The following ADGRL3 variants were observed in gnomAD, a reference collection of about 807,000 sequenced individuals.
ADGRL3 encodes the protein adhesion G protein-coupled receptor L3.
In ADGRL3, 62 loss-of-function variants were observed where a neutral mutation model predicts 153.5. The ratio of observed to expected loss-of-function variants is 0.40; its 90% CI spans 0.33 to 0.50. ADGRL3 has a LOEUF of 0.50. ADGRL3 is among the 20% of genes least tolerant of loss of function. The pLI is 0.47. For synonymous variants in ADGRL3, 710 were observed against 672.5 expected (o/e 1.06, Z -0.86); for missense variants, 1,641 against 1,859.4 (o/e 0.88, Z 2.16).
At chr4:61,615,580 G>GTGTA (rs903287411) in intron 5 of ADGRL3, among the ~76,000 whole-genome samples, 1 of 150,416 alleles carries the variant, frequency 6.6e-6, no homozygotes, top group African/African-American at 2.5e-5. Context: ...GGAATATTGT[G>GTGTA]TGTGTGTGTG....
intron 2 of ADGRL3, among the ~76,000 whole-genome samples, chr4:61,392,708 A>C (rs146592521): frequency 1.1e-5 from 1 of 92,740 alleles, no homozygotes; most frequent in Non-Finnish European, 2.4e-5. Flanking sequence ...AAAAAAAAAG[A>C]AAAAGGAAAA....
chr4:61,910,942 A>G (rs757470880), intron 12 of ADGRL3, among the ~76,000 whole-genome samples: 1 of 150,826 alleles, frequency 6.6e-6, no homozygotes, highest in African/African-American at 2.4e-5. Flanking sequence ...GTAAAGTTTT[A>G]TTATTAGATA....
intron 5 of ADGRL3, among the ~76,000 whole-genome samples, chr4:61,614,757 C>T (rs1268992565): frequency 6.6e-6 from 1 of 152,108 alleles, no homozygotes; most frequent in Non-Finnish European, 1.5e-5. Flanking sequence ...GCATCAGACA[C>T]ACTTATTTTA....
intron 13 of ADGRL3, among the ~76,000 whole-genome samples, chr4:61,925,941 T>C (rs910839959): frequency 6.6e-6 from 1 of 152,194 alleles, no homozygotes; most frequent in Non-Finnish European, 1.5e-5. Context: ...GAGAAATGCT[T>C]CATTTTGTTG....
intron 5 of ADGRL3, among the ~76,000 whole-genome samples, chr4:61,620,401 T>C (rs2092415517): frequency 6.6e-6 from 1 of 152,104 alleles, no homozygotes; most frequent in African/African-American, 2.4e-5. Flanking sequence ...GACCTTCATC[T>C]GAATGTCTAA....
At chr4:61,677,588 A>G (rs1473525257) in intron 6 of ADGRL3, among the ~76,000 whole-genome samples, 2 of 152,140 alleles carry the variant, frequency 1.3e-5, no homozygotes, top group East Asian at 1.9e-4. Flanking sequence ...ACTCAAAATA[A>G]GAATCACCAT....
intron 9 of ADGRL3, among the ~76,000 whole-genome samples, chr4:61,870,281 C>G (rs1197219208): frequency 1.3e-5 from 2 of 152,038 alleles, no homozygotes; most frequent in Admixed American, 6.6e-5. Context: ...GGGGTTGGAC[C>G]TATCCCTTAT....
intron 21 of ADGRL3, 25 bp from the exon 22 acceptor site, chr4:62,028,830 G>A: frequency 6.3e-7 from 1 of 1,592,608 alleles, no homozygotes; most frequent in Non-Finnish European, 8.6e-7. Context: ...TGGTGTTCTT[G>A]TCTTTATGTC....
At chr4:61,204,720 ACT>A (rs1203668723) in intron 1 of ADGRL3, among the ~76,000 whole-genome samples, 1 of 152,238 alleles carries the variant, frequency 6.6e-6, no homozygotes, top group African/African-American at 2.4e-5. Context: ...GGAATGATTA[ACT>A]CAAAGTTTTA....
chr4:62,031,268 G>A (rs1358628313), intron 22 of ADGRL3, among the ~76,000 whole-genome samples, 174 bp from the exon 23 acceptor site: 1 of 151,464 alleles, frequency 6.6e-6, no homozygotes, highest in African/African-American at 2.4e-5. Context: ...ATCTCCTCAA[G>A]CTTGAAAACT....
intron 5 of ADGRL3, among the ~76,000 whole-genome samples, chr4:61,593,673 T>A (rs1002186214): frequency 2.6e-5 from 4 of 152,132 alleles, no homozygotes; most frequent in Non-Finnish European, 5.9e-5. Context: ...GAGCTTTATG[T>A]CATTTGGGTT....
chr4:61,419,396 G>A (rs973019318), intron 2 of ADGRL3, among the ~76,000 whole-genome samples: 1 of 150,518 alleles, frequency 6.6e-6, no homozygotes, highest in Non-Finnish European at 1.5e-5. Context: ...TCCAGTTCAG[G>A]GTCGCCAGTG....
intron 1 of ADGRL3, among the ~76,000 whole-genome samples, chr4:61,378,709 A>G (rs2096633590): frequency 6.6e-6 from 1 of 152,016 alleles, no homozygotes; most frequent in African/African-American, 2.4e-5. Flanking sequence ...TTCATCCTTT[A>G]TAAATTCTTG....
At chr4:61,897,762 A>G (rs1159323307) in intron 11 of ADGRL3, among the ~76,000 whole-genome samples, 1 of 151,998 alleles carries the variant, frequency 6.6e-6, no homozygotes, top group South Asian at 2.1e-4. Flanking sequence ...CCCTTTTCTC[A>G]TCTCCTTCCT....
chr4:61,583,126 A>G (rs1156493200), intron 4 of ADGRL3, among the ~76,000 whole-genome samples: 2 of 151,982 alleles, frequency 1.3e-5, no homozygotes, highest in Non-Finnish European at 2.9e-5. Context: ...TTACTTATTG[A>G]TATGTTTTGT....
rs1468989659 is a variant in ADGRL3 at position 61,517,350 on chromosome 4, G to A, written c.91G>A (p.Ala31Thr). The A allele has an allele frequency of 7.1e-6, 5 of 704,472 alleles. No homozygotes were observed. In the East Asian group the frequency reaches 1.3e-4, roughly 19 times the overall value. 43.6% of individuals were successfully genotyped at this position (704,472 alleles called of 1,614,324 possible). The change falls in exon 4 of 27, where the codon GCT (alanine) becomes ACT (threonine). Residue 31 changes from alanine (A) to threonine (T), a missense_variant. By Grantham distance (58) the Ala-to-Thr change is moderately conservative (BLOSUM62 0). Transcript: ENST00000683033. Reference protein sequence around the residue: ...KHSERHPALAAPLRHAERSPG... With the variant: ...KHSERHPALATPLRHAERSPG... ...CAGTGAACGACATCCTGCCCTTGCT[G>A]CTCCATTGCGACACGCTGAGCGCAG... is the stretch of plus-strand genomic sequence containing the variant.
intron 13 of ADGRL3, among the ~76,000 whole-genome samples, chr4:61,924,734 C>T (rs1180080425): frequency 6.6e-6 from 1 of 152,190 alleles, no homozygotes; most frequent in African/African-American, 2.4e-5. Context: ...GAATGCTTCT[C>T]TTCCAGATGC....
chr4:61,446,380 G>T (rs1308710765), intron 2 of ADGRL3, among the ~76,000 whole-genome samples: 1 of 152,138 alleles, frequency 6.6e-6, no homozygotes, highest in South Asian at 2.1e-4. Context: ...TTAATCTGAT[G>T]AACTAATTTA....
intron 6 of ADGRL3, among the ~76,000 whole-genome samples, chr4:61,712,218 A>T (rs2096007330): frequency 6.6e-6 from 1 of 151,830 alleles, no homozygotes; most frequent in Non-Finnish European, 1.5e-5. Context: ...ACATATTGAG[A>T]CCCTGTCTCT....
Sources: allele counts gnomAD v4.1 joint callset (sites outside exome capture counted in the v4.1 genomes callset), GRCh38; gene constraint gnomAD v4.1.1; transcripts MANE v1.5; gene names NCBI Gene and HGNC (gene_info 2026-07-23, HGNC 2026-07-21).